SAMD4A: variants seen among roughly 807,000 people sequenced by gnomAD.
SAMD4A encodes sterile alpha motif domain containing 4A, also known as protein Smaug homolog 1.
In SAMD4A, 33 loss-of-function variants were observed where a neutral mutation model predicts 81.3. The ratio of observed to expected loss-of-function variants is 0.41; its 90% confidence interval spans 0.31 to 0.54. The LOEUF (loss-of-function observed/expected upper bound fraction) is 0.54. Ranked by LOEUF, SAMD4A falls within the 20% of genes least tolerant of loss-of-function variation. The probability of loss-of-function intolerance (pLI) is 0.37; values close to 1 mark genes in which losing one functional copy is unlikely to be tolerated. For synonymous variants in SAMD4A, 389 were observed against 382.1 expected (o/e 1.02, Z -0.21); for missense variants, 854 against 951.1 (o/e 0.90, Z 1.34).
chr14:54,762,872 T>TC (rs1157610937), intron 7 of SAMD4A, among the ~76,000 whole-genome samples: 5 of 151,686 alleles, frequency 3.3e-5, no homozygotes, highest in African/African-American at 1.2e-4. Context: ...TTTTTTTTTT[T>TC]GAGATGGAGT....
intron 2 of SAMD4A, among the ~76,000 whole-genome samples, chr14:54,573,765 G>A (rs1274836725): frequency 2.0e-5 from 3 of 152,206 alleles, no homozygotes; most frequent in Non-Finnish European, 2.9e-5. Context: ...GCCTGAGGCA[G>A]GATTTTCCCA....
chr14:54,687,421 G>C (rs1159321557), intron 2 of SAMD4A: 1 of 440,798 alleles, frequency 2.3e-6, no homozygotes. Context: ...CCACAGCCCT[G>C]ATTAGTTAGC....
chr14:54,697,329 A>G (rs959313176), intron 2 of SAMD4A, among the ~76,000 whole-genome samples: 7 of 152,348 alleles, frequency 4.6e-5, no homozygotes, highest in Admixed American at 3.3e-4. Context: ...ACGTACTCCA[A>G]GTCCATATAA....
In SAMD4A at chr14:54,603,888, G is replaced by A. The variant is rs561551920; in HGVS notation, c.196+35776G>A. On this transcript the variant is annotated intron_variant, in intron 2 of 12. Coordinates refer to ENST00000554335, the MANE Select transcript of SAMD4A (RefSeq NM_015589.6). The stretch of plus-strand genomic sequence containing the variant: ...TCTCCAGGCTGGAGTGCAGTGGCAC[G>A]ATCTTGGCTGACTGCAACCTCTGCC... Among the ~76,000 whole-genome samples, 311 of 152,150 alleles carry A rather than the reference G, an allele frequency of 2.0e-3. 1 individual carries two copies. The highest frequency in any genetic ancestry group is 6.5e-3 in the African/African-American group (271 of 41,520).
intron 6 of SAMD4A, among the ~76,000 whole-genome samples, chr14:54,752,512 C>T (rs545941457): frequency 5.3e-5 from 8 of 152,280 alleles, no homozygotes; most frequent in Non-Finnish European, 8.8e-5. Context: ...AGGGAGGTAG[C>T]GCTAAAGCAA....
chr14:54,623,283 A>T (rs2140308519), intron 2 of SAMD4A, among the ~76,000 whole-genome samples: 1 of 152,042 alleles, frequency 6.6e-6, no homozygotes, highest in Admixed American at 6.5e-5. Flanking sequence ...GGGCCATCTT[A>T]TTGCTCCCAC....
intron 2 of SAMD4A, among the ~76,000 whole-genome samples, chr14:54,671,276 T>C (rs1289561308): frequency 1.3e-5 from 2 of 152,186 alleles, no homozygotes; most frequent in Non-Finnish European, 2.9e-5. Flanking sequence ...ACACAGATTC[T>C]GGGGTTTGAA....
chr14:54,603,298 C>T (rs1471984971), intron 2 of SAMD4A, among the ~76,000 whole-genome samples: 2 of 152,136 alleles, frequency 1.3e-5, no homozygotes, highest in Non-Finnish European at 1.5e-5. Context: ...TTAATATGTC[C>T]CCATTTTATT....
In SAMD4A at chr14:54,687,582, G is replaced by A. The variant is rs370469933; in HGVS notation, c.197-14480G>A. 2.0e-3 allele frequency among the ~76,000 whole-genome samples: 299 copies of A among 152,322 alleles called. 2 individuals carry two copies. Among genetic ancestry groups the A allele is most frequent in the Middle Eastern group, 3.4e-3 (1 of 294 alleles). Reference sequence around the variant, plus strand: ...GACACAGAGCATCTGGGCCGGCGATGCTTGTGATCGAGGTTAGGAATAGAA... The same window carrying A: ...GACACAGAGCATCTGGGCCGGCGATACTTGTGATCGAGGTTAGGAATAGAA... On this transcript the variant is annotated intron_variant, in intron 2 of 12. Coordinates refer to ENST00000554335, the MANE Select transcript of SAMD4A (RefSeq NM_015589.6).
At chr14:54,688,319 C>T (rs2036333206) in intron 2 of SAMD4A, 12 of 985,386 alleles carry the variant, frequency 1.2e-5, no homozygotes, top group Admixed American at 6.1e-5. Context: ...CTGGCTCTCA[C>T]GCCCAGGCTT....
At chr14:54,767,938 C>T (rs137895989) in intron 8 of SAMD4A, among the ~76,000 whole-genome samples, 138 of 152,296 alleles carry the variant, frequency 9.1e-4, no homozygotes, top group Non-Finnish European at 1.2e-3. Flanking sequence ...GAAAGGAGCC[C>T]GCTGCCCATT....
chr14:54,565,948 C>T (rs919834976), upstream of SAMD4A, among the ~76,000 whole-genome samples: 3 of 152,104 alleles, frequency 2.0e-5, no homozygotes, highest in Non-Finnish European at 4.4e-5. The surrounding 1 kb of genome is among the most constrained non-coding windows in gnomAD (Gnocchi z 5.4). Context: ...ATCCGTCCCC[C>T]CGCCCTGCGC....
At chr14:54,685,623 A>G (rs777955751) in intron 2 of SAMD4A, 1 of 442,566 alleles carries the variant, frequency 2.3e-6, no homozygotes, top group South Asian at 1.6e-5. Flanking sequence ...AACTGATCTT[A>G]GCCAAATGGT....
At chr14:54,782,824 A>G (rs937682673) in intron 11 of SAMD4A, among the ~76,000 whole-genome samples, 1 of 152,194 alleles carries the variant, frequency 6.6e-6, no homozygotes, top group Non-Finnish European at 1.5e-5. Context: ...TGACTTAACC[A>G]TTGGTTTCAG....
At chr14:54,608,446 G>A (rs539602750) in intron 2 of SAMD4A, among the ~76,000 whole-genome samples, 10 of 152,082 alleles carry the variant, frequency 6.6e-5, no homozygotes, top group Non-Finnish European at 1.0e-4. Context: ...GTTCTTAATC[G>A]TATGCTCTCA....
chr14:54,737,438 T>G, intron 4 of SAMD4A, 151 bp downstream of exon 4: 1 of 925,582 alleles, frequency 1.1e-6, no homozygotes, highest in Non-Finnish European at 1.6e-6. Flanking sequence ...GAACTCCAGG[T>G]TGACCATGGC....
chr14:54,623,971 T>C (rs531562827), intron 2 of SAMD4A, among the ~76,000 whole-genome samples: 9 of 152,234 alleles, frequency 5.9e-5, no homozygotes, highest in African/African-American at 1.9e-4. Flanking sequence ...TCCACTCTTA[T>C]TTAATTCCTT....
intron 3 of SAMD4A, among the ~76,000 whole-genome samples, chr14:54,717,832 T>A (rs2037158442): frequency 6.6e-6 from 1 of 151,560 alleles, no homozygotes; most frequent in South Asian, 2.1e-4. Flanking sequence ...GAATGAGTAT[T>A]GTCAATACTC....
intron 9 of SAMD4A, among the ~76,000 whole-genome samples, chr14:54,773,795 T>C (rs2038766874): frequency 6.6e-6 from 1 of 152,184 alleles, no homozygotes; most frequent in African/African-American, 2.4e-5. Flanking sequence ...GCTCTCCCAT[T>C]TGAGGATGCG....
Sources: allele counts gnomAD v4.1 joint callset (sites outside exome capture counted in the v4.1 genomes callset), GRCh38; gene constraint gnomAD v4.1.1; non-coding constraint Gnocchi (gnomAD v3.1); transcripts MANE v1.5; gene names NCBI Gene and HGNC (gene_info 2026-07-23, HGNC 2026-07-21).